The following FAM222A variants were observed in gnomAD, a reference collection of about 807,000 sequenced individuals.
FAM222A encodes the protein family with sequence similarity 222 member A, also known as protein FAM222A.
FAM222A carries 7 observed loss-of-function variants against 25.8 expected under a neutral mutation model. The observed-to-expected ratio is 0.27, with a 90% CI of 0.15 to 0.51. The LOEUF is 0.51. FAM222A is among the 20% of genes least tolerant of loss of function. FAM222A has a pLI of 0.97. For missense variants in FAM222A, 573 were observed against 640.5 expected (o/e 0.89, Z 1.14); for synonymous variants, 294 against 298.8 (o/e 0.98, Z 0.17).
intron 2 of FAM222A, among the ~76,000 whole-genome samples, chr12:109,750,293 T>G (rs1888526513): frequency 6.6e-6 from 1 of 152,246 alleles, no homozygotes; most frequent in African/African-American, 2.4e-5. Flanking sequence ...CAACATTTTC[T>G]TAGAGTTCAC....
intron 1 of FAM222A, among the ~76,000 whole-genome samples, chr12:109,720,581 C>G (rs764219636): frequency 5.3e-5 from 8 of 152,252 alleles, no homozygotes; most frequent in Non-Finnish European, 1.0e-4. Context: ...TAGAGGGCAG[C>G]TGTGAGGTTT....
chr12:109,738,203 C>T (rs1170872646), intron 1 of FAM222A, among the ~76,000 whole-genome samples: 2 of 152,174 alleles, frequency 1.3e-5, no homozygotes, highest in African/African-American at 2.4e-5. Flanking sequence ...AAGGGTCCCT[C>T]CACTCTTCCT....
intron 1 of FAM222A, among the ~76,000 whole-genome samples, chr12:109,740,399 CA>C (rs1411561657): frequency 6.6e-6 from 1 of 152,094 alleles, no homozygotes; most frequent in Admixed American, 6.5e-5. Context: ...ATTAAAGTCA[CA>C]AAAGACCTTG....
chr12:109,726,167 G>C (rs532850978), intron 1 of FAM222A, among the ~76,000 whole-genome samples: 3 of 147,216 alleles, frequency 2.0e-5, no homozygotes, highest in African/African-American at 7.5e-5. Context: ...AAGTAGAAAA[G>C]GGATTCAGAG....
intron 1 of FAM222A, among the ~76,000 whole-genome samples, chr12:109,740,817 T>G (rs1052680825): frequency 2.6e-5 from 4 of 152,144 alleles, no homozygotes; most frequent in African/African-American, 9.7e-5. Flanking sequence ...GGGAGAGAGA[T>G]GTGAAAATTG....
At chr12:109,760,922 T>C (rs1399648564) in intron 2 of FAM222A, among the ~76,000 whole-genome samples, 1 of 151,902 alleles carries the variant, frequency 6.6e-6, no homozygotes, top group Admixed American at 6.6e-5. Context: ...AGGAGCTCAG[T>C]GGAGGGGTTA....
intron 2 of FAM222A, among the ~76,000 whole-genome samples, chr12:109,745,130 A>C (rs961524276): frequency 2.0e-5 from 3 of 152,186 alleles, no homozygotes; most frequent in African/African-American, 7.2e-5. Flanking sequence ...TGGGCCAGCC[A>C]CCCGCTTCCC....
chr12:109,731,966 G>GCT (rs1274296261), intron 1 of FAM222A, among the ~76,000 whole-genome samples: 1 of 152,212 alleles, frequency 6.6e-6, no homozygotes, highest in Non-Finnish European at 1.5e-5. Context: ...GGTTTGTGAG[G>GCT]CCTGAGGCCC....
At position 109,768,814 on chromosome 12, in the gene FAM222A, G is replaced by A. The variant is rs61735678; in HGVS notation, c.885G>A (p.Pro295=). Residue 295 remains proline, a synonymous_variant, in exon 3 of 3, where the codon CCG becomes CCA. Transcript: ENST00000538780. Reference sequence around the variant, plus strand: ...TGTGGCCGCAGAAACCGCCCCCACCGCCGCCCCAGCCACTGCGTGCCTACA... The same window carrying A: ...TGTGGCCGCAGAAACCGCCCCCACCACCGCCCCAGCCACTGCGTGCCTACA... ...YLLWPQKPPP[P]PPQPLRAYSG... 83 of 1,571,608 alleles carry A rather than the reference G, an allele frequency of 5.3e-5. No homozygotes were observed. Among genetic ancestry groups the A allele is most frequent in the African/African-American group, 1.9e-4 (14 of 74,320 alleles).
At chr12:109,717,109 A>G (rs1481447456) in intron 1 of FAM222A, among the ~76,000 whole-genome samples, 1 of 152,202 alleles carries the variant, frequency 6.6e-6, no homozygotes, top group Non-Finnish European at 1.5e-5. Context: ...TGCAGGCATC[A>G]GAGGCTATCA....
chr12:109,740,575 A>G (rs1206610390), intron 1 of FAM222A, among the ~76,000 whole-genome samples: 14 of 152,170 alleles, frequency 9.2e-5, no homozygotes, highest in Admixed American at 9.2e-4. Flanking sequence ...GGTCACAGAA[A>G]GAACATGAGT....
chr12:109,756,466 C>T (rs1180911417), intron 2 of FAM222A, among the ~76,000 whole-genome samples: 2 of 142,606 alleles, frequency 1.4e-5, no homozygotes, highest in African/African-American at 5.2e-5. Context: ...TGGAAAGATA[C>T]TTTGTCTTAT....
At chr12:109,744,864 T>G in intron 2 of FAM222A, 1 of 771,222 alleles carries the variant, frequency 1.3e-6, no homozygotes, top group Non-Finnish European at 1.6e-6. Context: ...AACATAGGCC[T>G]GTGTGCCTGT....
At chr12:109,734,309 G>C (rs1387429458) in intron 1 of FAM222A, 1 of 152,294 alleles carries the variant, frequency 6.6e-6, no homozygotes, top group East Asian at 1.9e-4. Context: ...CCTTGAGGTG[G>C]AGATTGACGG....
chr12:109,765,229 C>A (rs139779007), intron 2 of FAM222A, among the ~76,000 whole-genome samples: 119 of 152,384 alleles, frequency 7.8e-4, no homozygotes, highest in Non-Finnish European at 1.3e-3. Context: ...GGACCCTTTT[C>A]TGTGGCAGAG....
At chr12:109,744,384 T>C in intron 2 of FAM222A, 156 bp downstream of exon 2, 1 of 985,408 alleles carries the variant, frequency 1.0e-6, no homozygotes, top group Middle Eastern at 5.2e-4. Flanking sequence ...CTTCCTGGTC[T>C]CCATCCCCAA....
Position 109,768,022 on chromosome 12 carries a change from G to A in FAM222A, c.93G>A (p.Val31=), listed in dbSNP as rs148313292. Residue 31 remains valine, a synonymous_variant, in exon 3 of 3, where the codon GTG becomes GTA. Coordinates refer to ENST00000538780, the MANE Select transcript of FAM222A (RefSeq NM_032829.3). The stretch of plus-strand genomic sequence containing the variant: ...GCTTTCCTCCCACAGGCGAGGCGGT[G>A]GCCAGCGCCATGCATTCCTCCCGCT... ...KSLELRKCEA[V]ASAMHSSRYP... is the part of the protein sequence containing the mutation. 1.3e-4 allele frequency: 210 copies of A among 1,612,938 alleles called. No individual in the cohort carries two copies. In the African/African-American group the frequency reaches 2.7e-3, roughly 21 times the overall value.
intron 1 of FAM222A, among the ~76,000 whole-genome samples, chr12:109,716,715 G>A (rs1335940660): frequency 6.6e-6 from 1 of 152,244 alleles, no homozygotes; most frequent in Non-Finnish European, 1.5e-5. Context: ...CCTCTGCCGA[G>A]TATTTACACT....
intron 1 of FAM222A, among the ~76,000 whole-genome samples, chr12:109,717,542 T>C (rs1252298910): frequency 6.6e-6 from 1 of 152,124 alleles, no homozygotes; most frequent in Non-Finnish European, 1.5e-5. Flanking sequence ...CTGTTCTGGG[T>C]GGCCGGAGTG....
Sources: allele counts gnomAD v4.1 joint callset (sites outside exome capture counted in the v4.1 genomes callset), GRCh38; gene constraint gnomAD v4.1.1; transcripts MANE v1.5; gene names NCBI Gene and HGNC (gene_info 2026-07-23, HGNC 2026-07-21).